CEP85L: variants seen among roughly 807,000 people sequenced by gnomAD.
CEP85L encodes the protein centrosomal protein 85L.
In CEP85L, 60 loss-of-function variants were observed where a neutral mutation model predicts 100.3. That is an observed-to-expected ratio of 0.60 (90% CI 0.49 to 0.74). The LOEUF (loss-of-function observed/expected upper bound fraction) is 0.74. Among genes scored for constraint, CEP85L ranks in the 30% least tolerant of loss-of-function variants. The pLI is 0.00. For missense variants in CEP85L, 973 were observed against 936.2 expected, an observed-to-expected ratio of 1.04 and a Z score of -0.51; for synonymous variants, 319 against 322.7, an observed-to-expected ratio of 0.99 and a Z score of 0.12.
chr6:118,462,091 AATGT>A lies in CEP85L; in HGVS notation c.*3310_*3313del, dbSNP rs1772263542. 1 of 152,034 alleles carries A rather than the reference AATGT, an allele frequency of 6.6e-6. No homozygotes were observed. Among genetic ancestry groups the A allele is most frequent in the Non-Finnish European group, 1.5e-5 (1 of 67,886 alleles). 9.4% of individuals were successfully genotyped at this position (152,034 alleles called of 1,614,324 possible). ...TTTATAAGCTCCTTAGTATATCAGAAATGTATGACATTCATTTTAGCAACACTTT... is the reference window on the plus strand; with the variant it reads ...TTTATAAGCTCCTTAGTATATCAGAAATGACATTCATTTTAGCAACACTTT... On this transcript the variant is annotated 3_prime_UTR_variant, in exon 13 of 13. Coordinates refer to ENST00000368491, the MANE Select transcript of CEP85L (RefSeq NM_001042475.3).
At chr6:118,695,016 G>T (rs1035748868) in intron 1 of CEP85L, among the ~76,000 whole-genome samples, 3 of 152,040 alleles carry the variant, frequency 2.0e-5, no homozygotes, top group African/African-American at 7.2e-5. Context: ...ATGGCAGTGT[G>T]GAAGTTACCC....
At chr6:118,587,988 T>C (rs544331509) in intron 2 of CEP85L, among the ~76,000 whole-genome samples, 37 of 152,362 alleles carry the variant, frequency 2.4e-4, no homozygotes, top group African/African-American at 8.7e-4. Context: ...TTGTGGCTCC[T>C]GGATACACTT....
intron 3 of CEP85L, chr6:118,537,990 A>G (rs900658287): frequency 2.7e-6 from 2 of 744,728 alleles, no homozygotes; most frequent in African/African-American, 3.8e-5. Context: ...TGAAGATGAA[A>G]ATAATACAAA....
chr6:118,527,687 C>T (rs1028363254), intron 3 of CEP85L, among the ~76,000 whole-genome samples: 2 of 152,136 alleles, frequency 1.3e-5, no homozygotes, highest in African/African-American at 4.8e-5. Context: ...AGCATTATCA[C>T]TAATTCCAAA....
intron 1 of CEP85L, among the ~76,000 whole-genome samples, chr6:118,649,861 CTT>C (rs1775428432): frequency 1.3e-5 from 2 of 151,810 alleles, no homozygotes; most frequent in Admixed American, 1.3e-4. Flanking sequence ...CAGGACCAAA[CTT>C]AAGTGAATGA....
intron 5 of CEP85L, among the ~76,000 whole-genome samples, chr6:118,510,546 C>A (rs1775907346): frequency 1.3e-5 from 2 of 151,932 alleles, no homozygotes; most frequent in Admixed American, 6.6e-5. Context: ...TTTATATAGA[C>A]CTACTAGAAG....
rs1242894385 is a variant in CEP85L at position 118,651,376 on chromosome 6, G to A, written c.-107C>T. Reference sequence around the variant, plus strand: ...GCGGAGCGTGGGCCTCGGCGACACGGGCAGGAGGAAAGGCGGGATGGCTGG... The same window carrying A: ...GCGGAGCGTGGGCCTCGGCGACACGAGCAGGAGGAAAGGCGGGATGGCTGG... On this transcript the variant is annotated 5_prime_UTR_variant, in exon 1 of 13. Transcript: ENST00000368491. The A allele has an allele frequency of 2.9e-6, 4 of 1,364,102 alleles. No individual in the cohort carries two copies. The highest frequency in any genetic ancestry group is 3.1e-5 in the East Asian group (1 of 32,024). 84.5% of individuals were successfully genotyped at this position (1,364,102 alleles called of 1,614,324 possible). A position where few individuals can be genotyped will look rare whatever the true frequency, so the allele number is the denominator to read the frequency against.
rs1041597322 is a variant in CEP85L at position 118,480,312 on chromosome 6, A to G, written c.1863+84T>C. On this transcript the variant is annotated intron_variant, in intron 9 of 12. Transcript: ENST00000368491. ...TAAATATTAACAAAATATAAATCACATAAAATAGCTATAAATTATGTATCT... is the reference window on the plus strand; with the variant it reads ...TAAATATTAACAAAATATAAATCACGTAAAATAGCTATAAATTATGTATCT... 9.4e-5 allele frequency: 63 copies of G among 669,608 alleles called. No individual in the cohort carries two copies. The African/African-American group carries it at 1.1e-3, about 11-fold the overall frequency. The allele number at this position is 669,608 out of a possible 1,614,324, so 41.5% of individuals were successfully genotyped here.
intron 3 of CEP85L, among the ~76,000 whole-genome samples, chr6:118,527,033 G>A (rs1392058568): frequency 1.9e-5 from 1 of 51,524 alleles, no homozygotes; most frequent in Admixed American, 2.2e-4. Flanking sequence ...TTTTTTAATT[G>A]AGACGCAGTC....
intron 2 of CEP85L, among the ~76,000 whole-genome samples, chr6:118,578,872 G>A (rs531759699): frequency 1.8e-4 from 27 of 152,074 alleles, no homozygotes; most frequent in African/African-American, 3.6e-4. Context: ...TTGCGGCACC[G>A]AGCACTTGTT....
rs1222276435 is a variant in CEP85L at position 118,565,617 on chromosome 6, C to T, written c.932G>A (p.Gly311Asp). ...ACTGTAAGAATCCTCTGTATTTCTA[C>T]CTTCCAAAGGATTTGTCCGCAGCTG... ...TEQLRTNPLE[G>D]RNTEDSYSLA... Residue 311 changes from glycine (G) to aspartate (D), a missense_variant, in exon 3 of 13, where the codon GGT becomes GAT. Physicochemically the swap from Gly to Asp is moderately conservative, Grantham distance 94. Transcript: ENST00000368491. 3.7e-6 allele frequency: 6 copies of T among 1,614,194 alleles called. No homozygotes were observed. In the South Asian group the frequency reaches 5.5e-5, roughly 15 times the overall value.
intron 1 of CEP85L, among the ~76,000 whole-genome samples, chr6:118,673,042 A>G (rs1201034393): frequency 1.3e-5 from 2 of 152,182 alleles, no homozygotes; most frequent in African/African-American, 2.4e-5. Context: ...GCAACCTGCA[A>G]CAGAAGCATG....
intron 1 of CEP85L, among the ~76,000 whole-genome samples, chr6:118,707,441 G>A (rs904925045): frequency 1.3e-4 from 19 of 151,900 alleles, no homozygotes; most frequent in African/African-American, 4.4e-4. Context: ...CAATCCTCCC[G>A]CCTCGGCCTC....
At chr6:118,503,050 T>C (rs1775408141) in intron 5 of CEP85L, 1 of 212,974 alleles carries the variant, frequency 4.7e-6, no homozygotes, top group African/African-American at 2.3e-5. Flanking sequence ...TTCGGAACAG[T>C]GAAAACAAAC....
At chr6:118,549,031 TTGAG>T (rs924347556) in intron 3 of CEP85L, among the ~76,000 whole-genome samples, 19 of 152,106 alleles carry the variant, frequency 1.2e-4, no homozygotes, top group African/African-American at 4.6e-4. Context: ...TATTAATAAA[TTGAG>T]TTACTGATAT....
chr6:118,644,081 C>T (rs575064877), intron 1 of CEP85L, among the ~76,000 whole-genome samples: 2 of 152,298 alleles, frequency 1.3e-5, no homozygotes, highest in South Asian at 4.1e-4. Context: ...AAGTCAGCTC[C>T]ACTGGATTAG....
chr6:118,537,735 T>C (rs564607632), intron 3 of CEP85L: 3 of 985,366 alleles, frequency 3.0e-6, no homozygotes, highest in Non-Finnish European at 3.6e-6. Context: ...CAAATACTGT[T>C]AAATTTAGAT....
chr6:118,552,664 T>A (rs373662104), intron 3 of CEP85L, among the ~76,000 whole-genome samples: 19 of 152,210 alleles, frequency 1.2e-4, no homozygotes, highest in African/African-American at 4.6e-4. Context: ...AACTTGATTT[T>A]TTTTTTAATT....
At chr6:118,670,915 G>C (rs1271559388) in intron 1 of CEP85L, among the ~76,000 whole-genome samples, 1 of 151,346 alleles carries the variant, frequency 6.6e-6, no homozygotes, top group Admixed American at 6.6e-5. Flanking sequence ...TGGTGCTGAG[G>C]ATACTGCAAA....
Sources: allele counts gnomAD v4.1 joint callset (sites outside exome capture counted in the v4.1 genomes callset), GRCh38; gene constraint gnomAD v4.1.1; transcripts MANE v1.5; gene names NCBI Gene and HGNC (gene_info 2026-07-23, HGNC 2026-07-21).